Variants in KDM2B observed in about 807,000 individuals in gnomAD.
The protein encoded by KDM2B is lysine demethylase 2B.
Under a neutral mutation model 150.0 loss-of-function variants are expected in KDM2B, and 26 were observed. That is an observed-to-expected ratio of 0.17 (90% CI 0.13 to 0.24). KDM2B has a LOEUF of 0.24. Ranked by LOEUF, KDM2B falls within the 10% of genes least tolerant of loss-of-function variation. KDM2B has a pLI of 1.00. For missense variants in KDM2B, 1,265 were observed against 1,816.9 expected (o/e 0.70, Z 5.52); for synonymous variants, 734 against 729.5 (o/e 1.01, Z -0.10).
intron 10 of KDM2B, among the ~76,000 whole-genome samples, chr12:121,511,136 G>C (rs1295336282): frequency 1.3e-5 from 2 of 151,428 alleles, no homozygotes; most frequent in South Asian, 4.2e-4. Context: ...TCAGCCTCCC[G>C]AGTAGCTGAG....
chr12:121,485,951 A>G (rs1447533319), intron 12 of KDM2B, among the ~76,000 whole-genome samples: 2 of 151,136 alleles, frequency 1.3e-5, no homozygotes, highest in Non-Finnish European at 2.9e-5. Context: ...TAATTTTTGT[A>G]TTTTTAGTAC....
In KDM2B at chr12:121,440,150, A is replaced by T. The variant is rs1443622047; in HGVS notation, c.3611-75T>A. On this transcript the variant is annotated intron_variant, in intron 21 of 22. Coordinates refer to ENST00000377071, the MANE Select transcript of KDM2B (RefSeq NM_032590.5). ...CTGGTCATGCTGACATGACACTCTA[A>T]AAGGCCCACCAGCCAGACAGAACAC... 5.6e-6 allele frequency: 6 copies of T among 1,075,386 alleles called. No homozygotes were observed. The Admixed American group carries it at 8.2e-5, about 15-fold the overall frequency. 66.6% of individuals were successfully genotyped at this position (1,075,386 alleles called of 1,614,324 possible).
Position 121,513,053 on chromosome 12 carries a change from A to G in KDM2B, c.1174+223T>C, listed in dbSNP as rs1434596565. Among the ~76,000 whole-genome samples the G allele has an allele frequency of 1.3e-5, 2 of 151,926 alleles. No homozygotes were observed. Among genetic ancestry groups the G allele is most frequent in the African/African-American group, 4.8e-5 (2 of 41,458 alleles). On this transcript the variant is annotated intron_variant, in intron 10 of 22. Transcript: ENST00000377071. The surrounding 1 kb of genome is among the most constrained non-coding windows in gnomAD (Gnocchi z 5.0). The stretch of plus-strand genomic sequence containing the variant: ...TCTACACAGCCATGGGCTGGAGGCC[A>G]CACACGTGACTCTTTTGGGGATCCG...
chr12:121,432,501 G>C (rs1380912351), intron 22 of KDM2B, among the ~76,000 whole-genome samples: 4 of 152,138 alleles, frequency 2.6e-5, no homozygotes, highest in African/African-American at 9.7e-5. Flanking sequence ...CAGCCTCCCA[G>C]ACCACTGGGA....
At chr12:121,485,136 C>T (rs1882619909) in intron 12 of KDM2B, among the ~76,000 whole-genome samples, 1 of 152,086 alleles carries the variant, frequency 6.6e-6, no homozygotes, top group Non-Finnish European at 1.5e-5. Flanking sequence ...GACTTCTGGC[C>T]TCCAGAACTA....
At chr12:121,472,841 C>G (rs1320947386) in intron 12 of KDM2B, among the ~76,000 whole-genome samples, 1 of 152,118 alleles carries the variant, frequency 6.6e-6, no homozygotes, top group Non-Finnish European at 1.5e-5. Flanking sequence ...CTTTATAAAC[C>G]ACCCCCACAT....
chr12:121,550,226 C>G (rs1218020174), intron 4 of KDM2B, among the ~76,000 whole-genome samples: 1 of 151,864 alleles, frequency 6.6e-6, no homozygotes, highest in Non-Finnish European at 1.5e-5. Flanking sequence ...AAGAGGATAG[C>G]TTGAACCCGG....
chr12:121,535,918 C>T, intron 6 of KDM2B: 1 of 330,864 alleles, frequency 3.0e-6, no homozygotes, highest in Non-Finnish European at 4.3e-6. Context: ...CTTGCCCCTT[C>T]CCACTAGAGC....
intron 4 of KDM2B, among the ~76,000 whole-genome samples, chr12:121,560,912 G>A (rs960213758): frequency 2.6e-5 from 4 of 152,074 alleles, no homozygotes; most frequent in Non-Finnish European, 4.4e-5. Flanking sequence ...AGGGACAAGC[G>A]TCCCTTCAGA....
intron 12 of KDM2B, among the ~76,000 whole-genome samples, chr12:121,466,976 G>A (rs1413207461): frequency 1.3e-5 from 2 of 148,376 alleles, no homozygotes; most frequent in Non-Finnish European, 3.0e-5. Context: ...GGCCGGCTGC[G>A]GGCCTGCCGC....
Position 121,533,021 on chromosome 12 carries a change from G to GC in KDM2B, c.778-63dup. On this transcript the variant is annotated intron_variant, in intron 7 of 22. Coordinates refer to ENST00000377071, the MANE Select transcript of KDM2B (RefSeq NM_032590.5). The surrounding 1 kb of genome is among the most constrained non-coding windows in gnomAD (Gnocchi z 4.1). ...GGCCCAGACAAGACCCAGAGAGAGGGCCCCACCTGCCTGGCGGAAGGGGAG... is the reference window on the plus strand; with the variant it reads ...GGCCCAGACAAGACCCAGAGAGAGGGCCCCCACCTGCCTGGCGGAAGGGGAG... 6.4e-7 allele frequency: 1 copy of GC among 1,571,404 alleles called. No individual in the cohort carries two copies. The highest frequency in any genetic ancestry group is 8.7e-7 in the Non-Finnish European group (1 of 1,146,478).
chr12:121,452,672 CG>C lies in KDM2B; in HGVS notation c.1959+447del, dbSNP rs2138743329. 6.6e-6 allele frequency among the ~76,000 whole-genome samples: 1 copy of C among 152,360 alleles called. No homozygotes were observed. The highest frequency in any genetic ancestry group is 2.1e-4 in the South Asian group (1 of 4,834). ...GGCCACTGCCGGAGCTGAGGCCAGG[CG>C]GTGTGGAGGGGCGGGCCAGGCTCTC... is the stretch of plus-strand genomic sequence containing the variant. On this transcript the variant is annotated intron_variant, in intron 13 of 22. Transcript: ENST00000377071. This position sits in a 1 kb window ranked among gnomAD's most constrained non-coding sequence, Gnocchi z 4.4.
At chr12:121,581,238 T>A, upstream of KDM2B, 1 of 256,974 alleles carries the variant, frequency 3.9e-6, no homozygotes, top group East Asian at 8.8e-5. Flanking sequence ...TGGCGCCTCC[T>A]AACGCAGCCC....
In KDM2B at chr12:121,532,852, G is replaced by A; in HGVS notation, c.885C>T (p.Cys295=). Residue 295 remains cysteine (C), a synonymous_variant, in exon 8 of 23, where the codon TGC becomes TGT. Coordinates refer to ENST00000377071, the MANE Select transcript of KDM2B (RefSeq NM_032590.5). ...DIFLGDRVER[C]QRIELKQGYT... is the part of the protein sequence containing the mutation. ...AGCCCTGCTTCAGCTCAATTCTTTG[G>A]CATCGTTCCACACGGTCTCCCAGAA... 1.2e-6 allele frequency: 2 copies of A among 1,614,180 alleles called. No homozygotes were observed. The highest frequency in any genetic ancestry group is 1.6e-4 in the Middle Eastern group (1 of 6,062).
intron 4 of KDM2B, among the ~76,000 whole-genome samples, chr12:121,566,641 T>C (rs1214859352): frequency 1.4e-5 from 2 of 147,866 alleles, no homozygotes; most frequent in African/African-American, 5.0e-5. Context: ...AATAAATAAA[T>C]AAAAATTAGC....
chr12:121,465,590 T>C (rs1353341778), intron 12 of KDM2B, among the ~76,000 whole-genome samples: 2 of 152,134 alleles, frequency 1.3e-5, no homozygotes, highest in Non-Finnish European at 1.5e-5. Flanking sequence ...CGAAAACATG[T>C]TTTTAAGCCC....
chr12:121,519,575 A>T (rs1886512716), intron 9 of KDM2B, among the ~76,000 whole-genome samples: 1 of 152,230 alleles, frequency 6.6e-6, no homozygotes, highest in Non-Finnish European at 1.5e-5. Flanking sequence ...AATGTCCAGA[A>T]TAGGCAAATC....
At position 121,444,343 on chromosome 12, in the gene KDM2B, G is replaced by A. The variant is rs539127530; in HGVS notation, c.2191-71C>T. 3.1e-6 allele frequency: 5 copies of A among 1,607,022 alleles called. No individual in the cohort carries two copies. In the Admixed American group the frequency reaches 8.4e-5, roughly 27 times the overall value. On this transcript the variant is annotated intron_variant, in intron 15 of 22. Coordinates refer to ENST00000377071, the MANE Select transcript of KDM2B (RefSeq NM_032590.5). ...TGGACTTGCCCTTCCTCCTCCCCAG[G>A]CCGACGGCAACCCACCTGCCTGAAA...
rs1215096104 is a variant in KDM2B, at chr12:121,441,218, C to A, written c.3300G>T (p.Arg1100=). Residue 1100 remains arginine (R), a synonymous_variant, in exon 20 of 23, where the codon CGG becomes CGT. Transcript: ENST00000377071. ...RTWNRWCCDK[R]LWTRIDLNHC... ...GGTTCAGGTCAATGCGGGTCCACAA[C>A]CGCTTATCGCAGCACCTGGGGACCG... is the stretch of plus-strand genomic sequence containing the variant. 1 of 1,613,846 alleles carries A rather than the reference C, an allele frequency of 6.2e-7. No homozygotes were observed. Among genetic ancestry groups the A allele is most frequent in the African/African-American group, 1.3e-5 (1 of 74,912 alleles).
Sources: gnomAD v4.1 joint callset for allele counts (sites outside exome capture counted in the v4.1 genomes callset) on GRCh38, gnomAD v4.1.1 for gene constraint, Gnocchi (gnomAD v3.1) non-coding constraint, MANE v1.5 for transcripts, NCBI Gene and HGNC (gene_info 2026-07-23, HGNC 2026-07-21) for gene names.